Variants in ARL8B observed in about 807,000 individuals in gnomAD.
ARL8B encodes ARF like GTPase 8B.
A neutral mutation model predicts 30.6 loss-of-function variants in ARL8B; 9 were observed. The ratio of observed to expected loss-of-function variants is 0.29; its 90% CI spans 0.18 to 0.51. The LOEUF is 0.51. ARL8B is among the 20% of genes least tolerant of loss of function. The pLI, the probability that ARL8B is intolerant of heterozygous loss-of-function variation, is 0.97. For synonymous variants in ARL8B, 74 were observed against 76.0 expected (o/e 0.97, Z 0.14); for missense variants, 130 against 227.2 (o/e 0.57, Z 2.75).
intron 1 of ARL8B, among the ~76,000 whole-genome samples, chr3:5,129,750 G>A (rs1172161228): frequency 6.6e-6 from 1 of 152,058 alleles, no homozygotes; most frequent in Non-Finnish European, 1.5e-5. Context: ...GGGTGTGGTG[G>A]CTCACGCTTG....
chr3:5,161,774 T>G (rs997554397), intron 1 of ARL8B, among the ~76,000 whole-genome samples: 1 of 152,260 alleles, frequency 6.6e-6, no homozygotes, highest in Non-Finnish European at 1.5e-5. Flanking sequence ...CCTATTGTTA[T>G]GTGTTGATTT....
At chr3:5,139,886 G>A (rs1002112155) in intron 1 of ARL8B, among the ~76,000 whole-genome samples, 9 of 152,158 alleles carry the variant, frequency 5.9e-5, no homozygotes, top group Non-Finnish European at 1.3e-4. Context: ...AGGGCAGTAT[G>A]CAGTGCAAGG....
At chr3:5,166,292 C>T (rs949633370) in intron 1 of ARL8B, among the ~76,000 whole-genome samples, 1 of 151,362 alleles carries the variant, frequency 6.6e-6, no homozygotes, top group Admixed American at 6.6e-5. Flanking sequence ...CCCACCTCGG[C>T]CTCCCAAAGT....
At chr3:5,159,049 A>C (rs186031435) in intron 1 of ARL8B, among the ~76,000 whole-genome samples, 1 of 148,184 alleles carries the variant, frequency 6.7e-6, no homozygotes, top group Admixed American at 6.7e-5. Context: ...ACTTGAGCGC[A>C]GGAGTTCGAG....
intron 1 of ARL8B, among the ~76,000 whole-genome samples, chr3:5,126,573 G>A (rs1337962090): frequency 6.6e-6 from 1 of 152,112 alleles, no homozygotes; most frequent in East Asian, 1.9e-4. Flanking sequence ...TATATGTAGG[G>A]TTTGGTTTGA....
intron 1 of ARL8B, among the ~76,000 whole-genome samples, chr3:5,140,727 A>G (rs1379617697): frequency 6.6e-6 from 1 of 152,160 alleles, no homozygotes; most frequent in African/African-American, 2.4e-5. Context: ...ATTTGTTGTC[A>G]TCTGAAATTC....
At chr3:5,168,378 C>G (rs536271555) in intron 1 of ARL8B, among the ~76,000 whole-genome samples, 1 of 152,222 alleles carries the variant, frequency 6.6e-6, no homozygotes, top group Non-Finnish European at 1.5e-5. Context: ...GCCCTAATAA[C>G]TCTTAGTTTG....
chr3:5,165,018 C>G (rs1458651220), intron 1 of ARL8B, among the ~76,000 whole-genome samples: 1 of 152,176 alleles, frequency 6.6e-6, no homozygotes, highest in Non-Finnish European at 1.5e-5. Flanking sequence ...TTGTGTCCTT[C>G]TAATGGTATG....
At chr3:5,151,424 C>T (rs1386026605) in intron 1 of ARL8B, among the ~76,000 whole-genome samples, 6 of 152,066 alleles carry the variant, frequency 3.9e-5, no homozygotes, top group African/African-American at 1.4e-4. Flanking sequence ...GCCTGGGCGA[C>T]AGAGCAAGAC....
intron 1 of ARL8B, among the ~76,000 whole-genome samples, chr3:5,162,364 A>T (rs948523276): frequency 3.9e-5 from 6 of 152,260 alleles, no homozygotes; most frequent in African/African-American, 1.4e-4. Flanking sequence ...GCCTGTTCTT[A>T]GAAGAATCTA....
chr3:5,124,669 G>A (rs2054214528), intron 1 of ARL8B, among the ~76,000 whole-genome samples: 1 of 151,968 alleles, frequency 6.6e-6, no homozygotes, highest in Non-Finnish European at 1.5e-5. Context: ...ATAAAGACGG[G>A]CTCTTGCTAT....
intron 1 of ARL8B, among the ~76,000 whole-genome samples, chr3:5,143,049 A>G (rs1432455920): frequency 6.6e-6 from 1 of 152,208 alleles, no homozygotes; most frequent in Non-Finnish European, 1.5e-5. Context: ...GCCATACTGT[A>G]ATCTGTATCT....
chr3:5,155,999 T>A (rs184601580), intron 1 of ARL8B, among the ~76,000 whole-genome samples: 24 of 152,060 alleles, frequency 1.6e-4, no homozygotes, highest in Non-Finnish European at 2.8e-4. Context: ...GCCTCCTAGG[T>A]TCAAGTGATT....
Position 5,180,006 on chromosome 3 carries a change from T to A in ARL8B, c.*1293T>A, listed in dbSNP as rs577768060. On this transcript the variant is annotated 3_prime_UTR_variant, in exon 7 of 7. Transcript: ENST00000256496. ...TATTAATACTGGTTCATTTGTAAATTATTATTCATATAGACCACTGTAGTA... is the reference window on the plus strand; with the variant it reads ...TATTAATACTGGTTCATTTGTAAATAATTATTCATATAGACCACTGTAGTA... 4 of 152,668 alleles carry A rather than the reference T, an allele frequency of 2.6e-5. No homozygotes were observed. Among genetic ancestry groups the A allele is most frequent in the Non-Finnish European group, 5.9e-5 (4 of 68,042 alleles). The allele number at this position is 152,668 out of a possible 1,614,324, so 9.5% of individuals were successfully genotyped here.
chr3:5,128,328 C>A, intron 1 of ARL8B: 1 of 311,752 alleles, frequency 3.2e-6, no homozygotes, highest in Non-Finnish European at 6.4e-6. Flanking sequence ...AGAAGCTAGT[C>A]TTCCAATAAG....
chr3:5,178,837 T>C lies in ARL8B; in HGVS notation c.*124T>C. 1 of 1,510,924 alleles carries C rather than the reference T, an allele frequency of 6.6e-7. No homozygotes were observed. Among genetic ancestry groups the C allele is most frequent in the East Asian group, 2.3e-5 (1 of 42,864 alleles). 93.6% of individuals were successfully genotyped at this position (1,510,924 alleles called of 1,614,324 possible). A position where few individuals can be genotyped will look rare whatever the true frequency, so the allele number is the denominator to read the frequency against. On this transcript the variant is annotated 3_prime_UTR_variant, in exon 7 of 7. Coordinates refer to ENST00000256496, the MANE Select transcript of ARL8B (RefSeq NM_018184.3). ...CAGAAATTGCCTTTTTCAGAGTTTA[T>C]TTCTCATGTGCACTGCTGAAGATGA...
At chr3:5,172,067 ATCTT>A in intron 2 of ARL8B, 79 bp from the exon 3 acceptor site, 13 of 1,315,538 alleles carry the variant, frequency 9.9e-6, no homozygotes, top group Non-Finnish European at 1.3e-5. Context: ...TATCTTCCCG[ATCTT>A]TCTTTTTTTC....
chr3:5,174,493 G>A lies in ARL8B; in HGVS notation c.511+79G>A, dbSNP rs182363489. The A allele has an allele frequency of 1.3e-5, 12 of 958,180 alleles. No homozygotes were observed. The East Asian group carries it at 1.7e-4, about 14-fold the overall frequency. The allele number at this position is 958,180 out of a possible 1,614,324, so 59.4% of individuals were successfully genotyped here. On this transcript the variant is annotated intron_variant, in intron 6 of 6. Transcript: ENST00000256496. Reference sequence around the variant, plus strand: ...TATGCTTCTTACAGCTTATTGTCTCGATTTCTCATTAAGTGACTTCCTTTT... The same window carrying A: ...TATGCTTCTTACAGCTTATTGTCTCAATTTCTCATTAAGTGACTTCCTTTT...
chr3:5,172,750 G>C lies in ARL8B; in HGVS notation c.372+10G>C. On this transcript the variant is annotated intron_variant, in intron 4 of 6. Coordinates refer to ENST00000256496, the MANE Select transcript of ARL8B (RefSeq NM_018184.3). Reference sequence around the variant, plus strand: ...GTTACAAGGAATTCCAGTAAGTATGGAATACTTGTTATTTTACATTGTAAT... The same window carrying C: ...GTTACAAGGAATTCCAGTAAGTATGCAATACTTGTTATTTTACATTGTAAT... 1.4e-6 allele frequency: 2 copies of C among 1,454,736 alleles called. No individual in the cohort carries two copies. Among genetic ancestry groups the C allele is most frequent in the Non-Finnish European group, 1.9e-6 (2 of 1,042,114 alleles). 90.1% of individuals were successfully genotyped at this position (1,454,736 alleles called of 1,614,324 possible).
Sources: allele counts gnomAD v4.1 joint callset (sites outside exome capture counted in the v4.1 genomes callset), GRCh38; gene constraint gnomAD v4.1.1; transcripts MANE v1.5; gene names NCBI Gene and HGNC (gene_info 2026-07-23, HGNC 2026-07-21).